The following TMEM163 variants were observed in gnomAD, a reference collection of about 807,000 sequenced individuals.
TMEM163 encodes the protein transmembrane protein 163.
TMEM163 carries 17 observed loss-of-function variants against 29.3 expected under a neutral mutation model. The ratio of observed to expected loss-of-function variants is 0.58; its 90% confidence interval spans 0.40 to 0.87. The LOEUF is 0.87. TMEM163 is among the 40% of genes least tolerant of loss of function. The pLI is 0.00. For synonymous variants in TMEM163, 157 were observed against 160.6 expected, an observed-to-expected ratio of 0.98 and a Z score of 0.17; for missense variants, 303 against 381.5, an observed-to-expected ratio of 0.79 and a Z score of 1.71.
At chr2:134,614,878 T>G (rs1682576169) in intron 2 of TMEM163, among the ~76,000 whole-genome samples, 1 of 152,012 alleles carries the variant, frequency 6.6e-6, no homozygotes, top group Non-Finnish European at 1.5e-5. Flanking sequence ...AAAACACATT[T>G]TCTCTGTAAA....
intron 4 of TMEM163, among the ~76,000 whole-genome samples, chr2:134,535,220 G>T (rs1680506884): frequency 6.6e-6 from 1 of 152,144 alleles, no homozygotes; most frequent in African/African-American, 2.4e-5. Flanking sequence ...TTGTTCACAG[G>T]TGACTTCCAC....
intron 2 of TMEM163, among the ~76,000 whole-genome samples, chr2:134,703,652 A>C (rs1006587611): frequency 6.6e-6 from 1 of 152,142 alleles, no homozygotes; most frequent in East Asian, 1.9e-4. Flanking sequence ...GAAGTTAACA[A>C]ATAATGCCTA....
intron 2 of TMEM163, among the ~76,000 whole-genome samples, chr2:134,580,769 C>T (rs989682815): frequency 6.6e-6 from 1 of 152,052 alleles, no homozygotes; most frequent in Admixed American, 6.6e-5. Flanking sequence ...AAAAATTAGC[C>T]GAGAGTGATG....
At chr2:134,548,947 A>AT (rs1159388754) in intron 4 of TMEM163, among the ~76,000 whole-genome samples, 4 of 152,102 alleles carry the variant, frequency 2.6e-5, no homozygotes, top group Non-Finnish European at 4.4e-5. Flanking sequence ...CAAATTTTGG[A>AT]TTTTCAGAGT....
intron 2 of TMEM163, among the ~76,000 whole-genome samples, chr2:134,617,890 G>A (rs1682643206): frequency 6.6e-6 from 1 of 151,818 alleles, no homozygotes; most frequent in South Asian, 2.1e-4. Context: ...GTGGGAGGGG[G>A]GCTTGAGCCT....
At chr2:134,594,508 T>G (rs570605846) in intron 2 of TMEM163, among the ~76,000 whole-genome samples, 1 of 152,088 alleles carries the variant, frequency 6.6e-6, no homozygotes, top group African/African-American at 2.4e-5. Context: ...GCTATTTATA[T>G]GCTGCCTGTC....
rs11893463 is a variant in TMEM163, at chr2:134,506,793, G to A, written c.459-3796C>T. Among the ~76,000 whole-genome samples the A allele has an allele frequency of 1.3e-3, 197 of 152,334 alleles. 1 individual carries two copies. The highest frequency in any genetic ancestry group is 4.7e-3 in the African/African-American group (196 of 41,582). ...ACTGCTTATGCATCTGCAAGTATGA[G>A]CTGCTTCCAGGCTTGGGGGACCAGA... On this transcript the variant is annotated intron_variant, in intron 4 of 7. Transcript: ENST00000281924.
chr2:134,640,575 A>G (rs1683201713), intron 2 of TMEM163, among the ~76,000 whole-genome samples: 1 of 152,170 alleles, frequency 6.6e-6, no homozygotes, highest in Non-Finnish European at 1.5e-5. Context: ...AACTGTTAAC[A>G]GTTCTTTGGG....
chr2:134,594,851 G>GTCTCTCTCTCTCTCTCTC (rs70973456), intron 2 of TMEM163, among the ~76,000 whole-genome samples: 2 of 147,956 alleles, frequency 1.4e-5, no homozygotes, highest in African/African-American at 5.0e-5. Flanking sequence ...GAGACCTTGA[G>GTCTCTCTCTCTCTCTCTC]TCTCTCTCTC....
chr2:134,566,378 A>T, intron 2 of TMEM163, among the ~76,000 whole-genome samples: 1 of 152,106 alleles, frequency 6.6e-6, no homozygotes, highest in Admixed American at 6.5e-5. Flanking sequence ...CCCAGCCAAT[A>T]TGGTGAAACC....
At chr2:134,508,087 T>C (rs1202490993) in intron 4 of TMEM163, among the ~76,000 whole-genome samples, 6 of 152,350 alleles carry the variant, frequency 3.9e-5, no homozygotes, top group African/African-American at 1.2e-4. Context: ...CAGACACTCA[T>C]ACACAAAATG....
intron 2 of TMEM163, among the ~76,000 whole-genome samples, chr2:134,656,076 C>A: frequency 6.9e-6 from 1 of 144,114 alleles, no homozygotes; most frequent in African/African-American, 2.8e-5. Context: ...TGGGCTCCAC[C>A]CAGTTCGAGC....
At chr2:134,668,746 T>C (rs1455079296) in intron 2 of TMEM163, among the ~76,000 whole-genome samples, 3 of 152,042 alleles carry the variant, frequency 2.0e-5, no homozygotes, top group Non-Finnish European at 2.9e-5. Flanking sequence ...CTTAAATAAA[T>C]GTCTGATCCT....
intron 4 of TMEM163, among the ~76,000 whole-genome samples, chr2:134,544,759 C>T (rs1349158831): frequency 2.0e-5 from 3 of 151,728 alleles, no homozygotes; most frequent in Non-Finnish European, 4.4e-5. Context: ...CATCCCACTG[C>T]ACTCCAGCCT....
chr2:134,550,530 A>G (rs1680891438), intron 4 of TMEM163, 40 bp downstream of exon 4: 2 of 1,598,058 alleles, frequency 1.3e-6, no homozygotes, highest in Non-Finnish European at 1.7e-6. Context: ...CTTCATCTGC[A>G]CGGGTTCTTC....
chr2:134,573,251 C>A (rs1681474477), intron 2 of TMEM163, among the ~76,000 whole-genome samples: 1 of 152,228 alleles, frequency 6.6e-6, no homozygotes, highest in Admixed American at 6.5e-5. Context: ...CATCCAGCAA[C>A]TAGAAGAACC....
At chr2:134,631,404 C>T (rs565722262) in intron 2 of TMEM163, among the ~76,000 whole-genome samples, 95 of 152,278 alleles carry the variant, frequency 6.2e-4, no homozygotes, top group African/African-American at 2.0e-3. Flanking sequence ...GGGGGGCCTT[C>T]CTGTGCAATT....
At chr2:134,690,560 A>G (rs1005017437) in intron 2 of TMEM163, among the ~76,000 whole-genome samples, 18 of 152,370 alleles carry the variant, frequency 1.2e-4, no homozygotes, top group African/African-American at 4.1e-4. Flanking sequence ...CTGGGATTAC[A>G]GGCATGAGCC....
At chr2:134,592,867 TAGAG>T (rs1282308314) in intron 2 of TMEM163, among the ~76,000 whole-genome samples, 4 of 37,298 alleles carry the variant, frequency 1.1e-4, no homozygotes, top group Non-Finnish European at 2.8e-4. Flanking sequence ...GATATTAATA[TAGAG>T]ATAGATAGAT....
Sources: allele counts gnomAD v4.1 joint callset (sites outside exome capture counted in the v4.1 genomes callset), GRCh38; gene constraint gnomAD v4.1.1; transcripts MANE v1.5; gene names NCBI Gene and HGNC (gene_info 2026-07-23, HGNC 2026-07-21).